TOP2B: variants seen among roughly 807,000 people sequenced by gnomAD.
TOP2B encodes the protein DNA topoisomerase 2-beta.
TOP2B carries 51 observed loss-of-function variants against 193.5 expected under a neutral mutation model. The observed-to-expected ratio is 0.26, with a 90% CI of 0.21 to 0.33. The LOEUF is 0.33. Among genes scored for constraint, TOP2B ranks in the 10% least tolerant of loss-of-function variants. The pLI is 1.00. For synonymous variants in TOP2B, 634 were observed against 635.7 expected (o/e 1.00, Z 0.04); for missense variants, 1,378 against 1,909.3 (o/e 0.72, Z 5.19).
intron 25 of TOP2B, 66 bp downstream of exon 25, chr3:25,618,352 A>C (rs563851484): frequency 8.1e-7 from 1 of 1,238,784 alleles, no homozygotes; most frequent in African/African-American, 1.5e-5. Context: ...TAGGGGTTGA[A>C]TTTTTGTTTG....
In TOP2B at chr3:25,598,272, A is replaced by ATAT; in HGVS notation, c.*32_*34dup. On this transcript the variant is annotated 3_prime_UTR_variant, in exon 36 of 36. Transcript: ENST00000264331. ...AGAGAAGACAAAAGGACAACACAAG[A>ATAT]TATTTGTTGAAAAATGTTTGTGCTC... 1 of 1,573,770 alleles carries ATAT rather than the reference A, an allele frequency of 6.4e-7. No homozygotes were observed. The highest frequency in any genetic ancestry group is 8.7e-7 in the Non-Finnish European group (1 of 1,154,616).
chr3:25,614,539 CT>C (rs1702457148), intron 27 of TOP2B, among the ~76,000 whole-genome samples: 1 of 151,888 alleles, frequency 6.6e-6, no homozygotes, highest in South Asian at 2.1e-4. Flanking sequence ...ATTTACCACA[CT>C]TGTTCTTAAG....
chr3:25,619,913 A>T lies in TOP2B; in HGVS notation c.3012T>A (p.Ala1004=). The T allele has an allele frequency of 6.2e-7, 1 of 1,613,442 alleles. No homozygotes were observed. The highest frequency in any genetic ancestry group is 1.1e-5 in the South Asian group (1 of 91,062). Residue 1004 remains alanine (A), a synonymous_variant, in exon 23 of 36, where the codon GCT becomes GCA. Coordinates refer to ENST00000264331, the MANE Select transcript of TOP2B (RefSeq NM_001330700.2). Reference sequence around the variant, plus strand: ...GAAGTTTAAAAACTTTATGCAGTCCAGCAGCTTCTGCTTGTGCTAGTTTCT... The same window carrying T: ...GAAGTTTAAAAACTTTATGCAGTCCTGCAGCTTCTGCTTGTGCTAGTTTCT... The part of the protein sequence containing the change: ...TEEKLAQAEA[A]GLHKVFKLQT...
chr3:25,645,210 A>C lies in TOP2B; in HGVS notation c.240+90T>G. The stretch of plus-strand genomic sequence containing the variant: ...TGACAGATGAAATTACAAATTTCCA[A>C]AGCAAGTAATTACAATAATTTTATC... On this transcript the variant is annotated intron_variant, in intron 2 of 35. Coordinates refer to ENST00000264331, the MANE Select transcript of TOP2B (RefSeq NM_001330700.2). 2.5e-6 allele frequency: 3 copies of C among 1,223,580 alleles called. No homozygotes were observed. In the East Asian group the frequency reaches 7.3e-5, roughly 30 times the overall value. 75.8% of individuals were successfully genotyped at this position (1,223,580 alleles called of 1,614,324 possible).
intron 22 of TOP2B, 92 bp downstream of exon 22, chr3:25,620,590 G>T: frequency 7.2e-7 from 1 of 1,397,456 alleles, no homozygotes; most frequent in Non-Finnish European, 9.6e-7. Flanking sequence ...CACTACGCAC[G>T]CTTAGGACCA....
At chr3:25,618,931 T>C in intron 23 of TOP2B, 82 bp from the exon 24 acceptor site, 1 of 1,058,532 alleles carries the variant, frequency 9.4e-7, no homozygotes, top group Non-Finnish European at 1.3e-6. Flanking sequence ...ATACTTAAAA[T>C]AACCATAATA....
chr3:25,634,412 A>T (rs1166732901), intron 7 of TOP2B, among the ~76,000 whole-genome samples: 2 of 152,138 alleles, frequency 1.3e-5, no homozygotes, highest in African/African-American at 4.8e-5. Context: ...TGAAGAACTG[A>T]GATCACAGGA....
intron 1 of TOP2B, among the ~76,000 whole-genome samples, chr3:25,650,082 A>G (rs1248897835): frequency 6.6e-6 from 1 of 152,218 alleles, no homozygotes; most frequent in African/African-American, 2.4e-5. Flanking sequence ...AAAAGTCAGA[A>G]GGAGCAAAAT....
rs1182661990 is a variant in TOP2B at position 25,637,327 on chromosome 3, A to G, written c.542-15T>C. ...ATTACGACCACCTGTAAGAAAAATT[A>G]AATGTAAAAGGTTTAGTAAAAATGA... is the stretch of plus-strand genomic sequence containing the variant. On this transcript the variant is annotated splice_polypyrimidine_tract_variant and intron_variant, in intron 5 of 35. Transcript: ENST00000264331. The G allele has an allele frequency of 9.8e-6, 15 of 1,526,198 alleles. No homozygotes were observed. The highest frequency in any genetic ancestry group is 2.0e-5 in the Admixed American group (1 of 48,964). 94.5% of individuals were successfully genotyped at this position (1,526,198 alleles called of 1,614,324 possible). A position where few individuals can be genotyped will look rare whatever the true frequency, so the allele number is the denominator to read the frequency against.
intron 18 of TOP2B, among the ~76,000 whole-genome samples, chr3:25,626,200 T>C (rs1015599822): frequency 1.4e-4 from 21 of 152,130 alleles, no homozygotes; most frequent in African/African-American, 4.8e-4. Flanking sequence ...TAATACAGAA[T>C]AAAAGCTTTT....
chr3:25,648,000 TC>T lies in TOP2B; in HGVS notation c.70-2531del, dbSNP rs770913585. On this transcript the variant is annotated intron_variant, in intron 1 of 35. Coordinates refer to ENST00000264331, the MANE Select transcript of TOP2B (RefSeq NM_001330700.2). ...ATCAAAGCTCATGTCCTCCCTCCTA[TC>T]TGCCCCAGCAAGGCAAGATTGAGAA... is the stretch of plus-strand genomic sequence containing the variant. Among the ~76,000 whole-genome samples, 186 of 152,246 alleles carry T rather than the reference TC, an allele frequency of 1.2e-3. 1 individual carries two copies. Among genetic ancestry groups the T allele is most frequent in the Non-Finnish European group, 2.3e-3 (155 of 68,016 alleles).
Position 25,601,375 on chromosome 3 carries a change from T to C in TOP2B, c.4490-150A>G, listed in dbSNP as rs899734487. 2.3e-5 allele frequency: 22 copies of C among 959,520 alleles called. 1 individual carries two copies. In the Middle Eastern group the frequency reaches 1.0e-3, roughly 44 times the overall value. The allele number at this position is 959,520 out of a possible 1,614,324, so 59.4% of individuals were successfully genotyped here. A position where few individuals can be genotyped will look rare whatever the true frequency, so the allele number is the denominator to read the frequency against. On this transcript the variant is annotated intron_variant, in intron 33 of 35. Transcript: ENST00000264331. ...GCTCACACCTGTAATGCCAGCACTC[T>C]GGGAGGCCAAGGCGGGGTGGATCAC...
chr3:25,647,350 A>T (rs1703439498), intron 1 of TOP2B, among the ~76,000 whole-genome samples: 2 of 152,212 alleles, frequency 1.3e-5, no homozygotes, highest in African/African-American at 4.8e-5. Flanking sequence ...ACACTCTAAG[A>T]AAGTACTCAA....
At chr3:25,608,465 C>T (rs551758184) in intron 30 of TOP2B, among the ~76,000 whole-genome samples, 213 of 152,184 alleles carry the variant, frequency 1.4e-3, no homozygotes, top group Non-Finnish European at 2.5e-3. Flanking sequence ...TACCTATGTA[C>T]ACTAGGGAAA....
Position 25,604,764 on chromosome 3 carries a change from T to C in TOP2B, c.4485A>G (p.Lys1495=). The change falls in exon 33 of 36, where the codon AAA becomes AAG. Residue 1495 remains lysine (K), a synonymous_variant. Transcript: ENST00000264331. ...DKVPSKTVAA[K]KGKPSSDTVP... is the part of the protein sequence containing the mutation. Reference sequence around the variant, plus strand: ...CAATCAAATATAAGTACATACCCTTTTTAGCAGCTACCGTTTTACTTGGAA... The same window carrying C: ...CAATCAAATATAAGTACATACCCTTCTTAGCAGCTACCGTTTTACTTGGAA... The C allele has an allele frequency of 6.2e-7, 1 of 1,610,044 alleles. No individual in the cohort carries two copies. The highest frequency in any genetic ancestry group is 8.5e-7 in the Non-Finnish European group (1 of 1,176,820).
At chr3:25,629,692 G>A (rs1298334292) in intron 13 of TOP2B, among the ~76,000 whole-genome samples, 1 of 151,936 alleles carries the variant, frequency 6.6e-6, no homozygotes, top group Non-Finnish European at 1.5e-5. Context: ...TTAAGTCCTG[G>A]TATTTGTGCA....
intron 30 of TOP2B, among the ~76,000 whole-genome samples, chr3:25,608,545 C>T (rs1702291847): frequency 6.6e-6 from 1 of 152,056 alleles, no homozygotes; most frequent in Non-Finnish European, 1.5e-5. Context: ...AAATGTACTT[C>T]CCAGAGGTAA....
chr3:25,617,683 A>T (rs115252227), intron 25 of TOP2B, among the ~76,000 whole-genome samples: 110 of 152,352 alleles, frequency 7.2e-4, no homozygotes, highest in African/African-American at 2.6e-3. Context: ...TAATCATTCA[A>T]CTTTTCTTCC....
At position 25,649,591 on chromosome 3, in the gene TOP2B, A is replaced by G. The variant is rs189847406; in HGVS notation, c.70-4121T>C. On this transcript the variant is annotated intron_variant, in intron 1 of 35. Transcript: ENST00000264331. ...GCAAGATAGAAGGGATTGGAAGAAT[A>G]TATCTGAAGTACTGAAAGAAAAAAA... Among the ~76,000 whole-genome samples, 668 of 149,068 alleles carry G rather than the reference A, an allele frequency of 4.5e-3. 4 individuals carry two copies. The highest frequency in any genetic ancestry group is 6.0e-3 in the Non-Finnish European group (408 of 67,516).
Sources: gnomAD v4.1 joint callset for allele counts (sites outside exome capture counted in the v4.1 genomes callset) on GRCh38, gnomAD v4.1.1 for gene constraint, MANE v1.5 for transcripts, NCBI Gene and HGNC (gene_info 2026-07-23, HGNC 2026-07-21) for gene names.